The following TRPC5 variants were observed in gnomAD, a reference collection of about 807,000 sequenced individuals.
TRPC5 encodes short transient receptor potential channel 5.
Under a neutral mutation model 56.5 loss-of-function variants are expected in TRPC5, and 9 were observed. The observed-to-expected ratio is 0.16, with a 90% CI of 0.10 to 0.28. TRPC5 has a LOEUF of 0.28. TRPC5 is among the 10% of genes least tolerant of loss of function. TRPC5 has a pLI of 1.00. For missense variants in TRPC5, 469 were observed against 748.9 expected (o/e 0.63, Z 4.36); for synonymous variants, 282 against 278.5 (o/e 1.01, Z -0.13).
intron 1 of TRPC5, among the ~76,000 whole-genome samples, chrX:112,036,851 C>A (rs1929754913): frequency 9.0e-6 from 1 of 111,364 alleles, no homozygotes; most frequent in African/African-American, 3.3e-5. Flanking sequence ...CTTCTCTCCA[C>A]AGAGACCCTT....
chrX:111,825,598 G>A (rs377302442), intron 7 of TRPC5, among the ~76,000 whole-genome samples: 2 of 111,262 alleles, frequency 1.8e-5, no homozygotes, highest in African/African-American at 6.5e-5. Context: ...GCGGGGATTG[G>A]TTACACAGAT....
intron 1 of TRPC5, among the ~76,000 whole-genome samples, chrX:112,076,672 C>CAT (rs1363192333): frequency 3.6e-5 from 4 of 111,444 alleles, no homozygotes; most frequent in African/African-American, 1.3e-4. Context: ...TTTCATGCTG[C>CAT]ATATATATGC....
intron 1 of TRPC5, among the ~76,000 whole-genome samples, chrX:112,063,819 T>A (rs1246872519): frequency 8.9e-6 from 1 of 112,077 alleles, no homozygotes; most frequent in Non-Finnish European, 1.9e-5. Context: ...TGAGACAGAG[T>A]CTCGCTCTGC....
chrX:111,931,113 G>A (rs967048514), intron 2 of TRPC5: 2 of 110,940 alleles, frequency 1.8e-5, no homozygotes, highest in Admixed American at 1.9e-4. Flanking sequence ...CATCCATAAT[G>A]TACTGTTAAA....
At chrX:111,964,891 C>G (rs923176200) in intron 1 of TRPC5, among the ~76,000 whole-genome samples, 11 of 111,919 alleles carry the variant, frequency 9.8e-5, no homozygotes, top group Non-Finnish European at 1.7e-4. Flanking sequence ...TAAAGACCAT[C>G]AAGGCTAGGA....
Position 111,776,536 on chromosome X carries a change from T to G in TRPC5, c.2699A>C (p.Asn900Thr), listed in dbSNP as rs183309627. 9.1e-6 allele frequency: 11 copies of G among 1,209,748 alleles called. No individual in the cohort carries two copies. The East Asian group carries it at 2.1e-4, about 23-fold the overall frequency. Residue 900 changes from asparagine (N) to threonine (T), a missense_variant, in exon 11 of 11, where the codon AAC becomes ACC. Asn to Thr is a moderately conservative substitution (Grantham distance 65). Coordinates refer to ENST00000262839, the MANE Select transcript of TRPC5 (RefSeq NM_012471.3). ...TTCACCTAATTCTACCTCACTGAGG[T>G]TAATTTCACTTTGAGAACAGGCCTC... Reference protein sequence around the residue: ...KAEACSQSEINLSEVELGEVQ... With the variant: ...KAEACSQSEITLSEVELGEVQ...
In TRPC5 at chrX:111,847,079, AAAAT is replaced by A. The variant is rs745643076; in HGVS notation, c.1700+31_1700+34del. 5.2e-6 allele frequency: 6 copies of A among 1,156,237 alleles called. No individual in the cohort carries two copies. The African/African-American group carries it at 5.5e-5, about 11-fold the overall frequency. On this transcript the variant is annotated intron_variant, in intron 6 of 10. Transcript: ENST00000262839. ...GAAGGCGGAAAAAATGGCAAAAAAAAAAATAAATAAATAAAGGAAAGGGGATCGT... is the reference window on the plus strand; with the variant it reads ...GAAGGCGGAAAAAATGGCAAAAAAAAAAATAAATAAAGGAAAGGGGATCGT...
intron 4 of TRPC5, among the ~76,000 whole-genome samples, chrX:111,852,926 A>G (rs1369347020): frequency 9.1e-6 from 1 of 109,821 alleles, no homozygotes; most frequent in East Asian, 2.8e-4. Flanking sequence ...AAAATAATTT[A>G]TAACTCATTT....
chrX:112,052,747 C>G (rs2089011360), intron 1 of TRPC5, among the ~76,000 whole-genome samples: 1 of 111,695 alleles, frequency 9.0e-6, no homozygotes, highest in Non-Finnish European at 1.9e-5. Flanking sequence ...GCTTTTAACT[C>G]TTATATTTAG....
intron 7 of TRPC5, among the ~76,000 whole-genome samples, chrX:111,798,780 G>T (rs1043901761): frequency 4.5e-5 from 5 of 111,874 alleles, no homozygotes; most frequent in Admixed American, 9.5e-5. Context: ...ATGGGTGCAG[G>T]ATTGCTATAA....
chrX:112,018,289 A>G (rs1365292952), intron 1 of TRPC5, among the ~76,000 whole-genome samples: 1 of 112,606 alleles, frequency 8.9e-6, no homozygotes, highest in Non-Finnish European at 1.9e-5. Context: ...TAAATAATTG[A>G]ATAAAGGAAT....
intron 1 of TRPC5, among the ~76,000 whole-genome samples, chrX:112,042,195 G>A (rs898555656): frequency 1.3e-4 from 15 of 111,534 alleles, no homozygotes; most frequent in Non-Finnish European, 2.8e-4. Context: ...TCTTTTGCAA[G>A]GACTTTGGTA....
intron 2 of TRPC5, among the ~76,000 whole-genome samples, chrX:111,948,737 A>G (rs1926995931): frequency 9.1e-6 from 1 of 109,541 alleles, no homozygotes; most frequent in South Asian, 3.9e-4. Flanking sequence ...AACTCCAAAA[A>G]AAAAAAAAAG....
intron 1 of TRPC5, among the ~76,000 whole-genome samples, chrX:111,996,406 A>T (rs59375970): frequency 0.039 from 4,329 of 111,483 alleles, 215 homozygotes; most frequent in African/African-American, 0.13. Flanking sequence ...ACTTTCAATT[A>T]TGTGGTCAAT....
rs1603129639 is a variant in TRPC5 at position 111,981,830 on chromosome X, A to G, written c.-21-29389T>C. Among the ~76,000 whole-genome samples, 4 of 112,152 alleles carry G rather than the reference A, an allele frequency of 3.6e-5. No individual in the cohort carries two copies. In the Admixed American group the frequency reaches 3.8e-4, roughly 11 times the overall value. On this transcript the variant is annotated intron_variant, in intron 1 of 10. Transcript: ENST00000262839. Reference sequence around the variant, plus strand: ...AATAATACAAAGATGGTTGCTTAATATATATAAACACAAACTTATTAGATA... The same window carrying G: ...AATAATACAAAGATGGTTGCTTAATGTATATAAACACAAACTTATTAGATA...
rs183558872 is a variant in TRPC5, at chrX:112,063,893, G to A, written c.-22+17986C>T. Among the ~76,000 whole-genome samples, 516 of 111,640 alleles carry A rather than the reference G, an allele frequency of 4.6e-3. 2 individuals are homozygous for A. The highest frequency in any genetic ancestry group is 8.1e-3 in the Non-Finnish European group (432 of 53,175). ...TGCAACCTCCGCCTCCCGGGTTCAC[G>A]CCATTTTCCTGCCTTGGCCTCCCGA... On this transcript the variant is annotated intron_variant, in intron 1 of 10. Coordinates refer to ENST00000262839, the MANE Select transcript of TRPC5 (RefSeq NM_012471.3).
At chrX:111,962,838 C>T (rs187136945) in intron 1 of TRPC5, among the ~76,000 whole-genome samples, 9 of 111,548 alleles carry the variant, frequency 8.1e-5, no homozygotes, top group East Asian at 5.6e-4. Context: ...AAGAAATTGC[C>T]GGGGGTGGAG....
chrX:111,775,749 C>T lies in TRPC5; in HGVS notation c.*564G>A, dbSNP rs1034881286. On this transcript the variant is annotated 3_prime_UTR_variant, in exon 11 of 11. Transcript: ENST00000262839. ...AAGAACGAAACAAGCCACTTATACC[C>T]AGAAACCACAAGCTGACAATTCTTT... is the stretch of plus-strand genomic sequence containing the variant. 8.9e-5 allele frequency: 10 copies of T among 112,561 alleles called. No homozygotes were observed. Among genetic ancestry groups the T allele is most frequent in the Admixed American group, 8.5e-4 (9 of 10,550 alleles). 9.3% of individuals were successfully genotyped at this position (112,561 alleles called of 1,213,427 possible).
intron 7 of TRPC5, among the ~76,000 whole-genome samples, chrX:111,827,498 T>C (rs914103659): frequency 6.3e-5 from 7 of 111,240 alleles, no homozygotes; most frequent in African/African-American, 2.3e-4. Context: ...GCTCCTTTCC[T>C]ACTCTTCCCC....
Sources: allele counts gnomAD v4.1 joint callset (sites outside exome capture counted in the v4.1 genomes callset), GRCh38; gene constraint gnomAD v4.1.1; transcripts MANE v1.5; gene names NCBI Gene and HGNC (gene_info 2026-07-23, HGNC 2026-07-21).